Variants in DLG2 observed in about 807,000 individuals in gnomAD.
DLG2 encodes the protein disks large homolog 2.
A neutral mutation model predicts 132.5 loss-of-function variants in DLG2; 45 were observed. The observed-to-expected ratio is 0.34, with a 90% CI of 0.27 to 0.44. The LOEUF (loss-of-function observed/expected upper bound fraction) is 0.44, where lower values mean the gene tolerates loss of function less well. DLG2 is among the 20% of genes least tolerant of loss of function. The probability of loss-of-function intolerance (pLI) is 1.00; values close to 1 mark genes in which losing one functional copy is unlikely to be tolerated. For synonymous variants in DLG2, 424 were observed against 419.6 expected (o/e 1.01, Z -0.13); for missense variants, 1,045 against 1,196.9 (o/e 0.87, Z 1.87).
chr11:83,769,510 A>T (rs1004760212), intron 18 of DLG2, among the ~76,000 whole-genome samples: 1 of 146,996 alleles, frequency 6.8e-6, no homozygotes, highest in Non-Finnish European at 1.5e-5. Context: ...TCTCCTGGGG[A>T]TGGAGTGTAT....
At chr11:83,864,273 C>A (rs2061923123) in intron 16 of DLG2, among the ~76,000 whole-genome samples, 1 of 152,190 alleles carries the variant, frequency 6.6e-6, no homozygotes, top group South Asian at 2.1e-4. Context: ...AAGATATAAT[C>A]ACACTGAATT....
intron 3 of DLG2, among the ~76,000 whole-genome samples, chr11:85,499,325 C>CA (rs1223501977): frequency 6.6e-6 from 1 of 152,106 alleles, no homozygotes; most frequent in African/African-American, 2.4e-5. Context: ...CACTTCTATG[C>CA]AAATAAACTA....
intron 14 of DLG2, among the ~76,000 whole-genome samples, chr11:83,948,881 T>C (rs1406097711): frequency 1.3e-5 from 2 of 152,198 alleles, no homozygotes; most frequent in African/African-American, 2.4e-5. Flanking sequence ...AACACATTGT[T>C]ATGCTAGACA....
intron 8 of DLG2, among the ~76,000 whole-genome samples, chr11:84,166,361 G>T (rs965830443): frequency 1.3e-5 from 2 of 151,872 alleles, no homozygotes; most frequent in African/African-American, 4.8e-5. Context: ...AATTATCTGG[G>T]CAGGGTGGCG....
At chr11:83,598,318 C>T (rs185774118) in intron 19 of DLG2, among the ~76,000 whole-genome samples, 7 of 152,322 alleles carry the variant, frequency 4.6e-5, no homozygotes, top group Admixed American at 4.6e-4. Flanking sequence ...TTCAGAAACT[C>T]CTGAGCACCA....
At chr11:85,028,548 G>T (rs948621503) in intron 6 of DLG2, among the ~76,000 whole-genome samples, 1 of 152,106 alleles carries the variant, frequency 6.6e-6, no homozygotes, top group East Asian at 1.9e-4. Flanking sequence ...CCATGCTCAC[G>T]GGCACCCAAA....
chr11:84,383,471 CA>C (rs1021872824), intron 7 of DLG2, among the ~76,000 whole-genome samples: 9 of 151,634 alleles, frequency 5.9e-5, no homozygotes, highest in African/African-American at 2.2e-4. Flanking sequence ...CATTAAATGG[CA>C]AAAAAGATGG....
At chr11:84,857,026 CAAAGT>C (rs1473886058) in intron 6 of DLG2, among the ~76,000 whole-genome samples, 2 of 150,950 alleles carry the variant, frequency 1.3e-5, no homozygotes, top group African/African-American at 4.9e-5. Context: ...GCAAGAAGGT[CAAAGT>C]AAGAAGAAGT....
At chr11:84,428,646 C>T (rs920840267) in intron 7 of DLG2, among the ~76,000 whole-genome samples, 5 of 152,166 alleles carry the variant, frequency 3.3e-5, no homozygotes, top group African/African-American at 9.7e-5. Context: ...GATTCAGACC[C>T]CACCATTATG....
At chr11:84,600,191 A>G (rs187737418) in intron 6 of DLG2, among the ~76,000 whole-genome samples, 2,445 of 124,222 alleles carry the variant, frequency 0.02, 31 homozygotes, top group Non-Finnish European at 0.028. Flanking sequence ...AAAGAAAGAA[A>G]GAAAGAAAGA....
intron 7 of DLG2, among the ~76,000 whole-genome samples, chr11:84,254,502 T>C (rs1021728411): frequency 1.2e-4 from 18 of 152,166 alleles, no homozygotes; most frequent in African/African-American, 4.1e-4. Flanking sequence ...AAGGTAGTGA[T>C]AAAGTATAGA....
intron 16 of DLG2, among the ~76,000 whole-genome samples, chr11:83,872,003 C>T (rs2063539522): frequency 6.6e-6 from 1 of 152,092 alleles, no homozygotes; most frequent in Non-Finnish European, 1.5e-5. Context: ...TAGTGGCTCA[C>T]ACCTGTAATC....
intron 18 of DLG2, among the ~76,000 whole-genome samples, chr11:83,654,717 G>A (rs1238249788): frequency 1.3e-5 from 2 of 152,210 alleles, no homozygotes; most frequent in South Asian, 2.1e-4. Flanking sequence ...TTGTATGAGC[G>A]ACTTAAATAC....
intron 6 of DLG2, among the ~76,000 whole-genome samples, chr11:84,999,997 A>G (rs990668144): frequency 2.5e-4 from 19 of 76,630 alleles, no homozygotes; most frequent in Middle Eastern, 5.7e-3. Flanking sequence ...GATCTTAAAT[A>G]TATTTCAGAT....
chr11:84,048,616 C>T (rs1255919682), intron 11 of DLG2, among the ~76,000 whole-genome samples: 1 of 151,620 alleles, frequency 6.6e-6, no homozygotes, highest in Non-Finnish European at 1.5e-5. Context: ...TAGTAATTTA[C>T]TCCATGGCAA....
intron 6 of DLG2, among the ~76,000 whole-genome samples, chr11:84,858,657 T>C (rs2083123057): frequency 6.6e-6 from 1 of 152,120 alleles, no homozygotes; most frequent in African/African-American, 2.4e-5. Flanking sequence ...GACATGTTTT[T>C]GTGAATTAGA....
At chr11:84,060,688 C>T (rs1296330865) in intron 10 of DLG2, among the ~76,000 whole-genome samples, 1 of 151,962 alleles carries the variant, frequency 6.6e-6, no homozygotes, top group South Asian at 2.1e-4. Flanking sequence ...TGGTTAAGAG[C>T]ACGGGGCTTG....
At chr11:85,362,513 G>A (rs2084238321) in intron 3 of DLG2, among the ~76,000 whole-genome samples, 1 of 151,766 alleles carries the variant, frequency 6.6e-6, no homozygotes, top group South Asian at 2.1e-4. Context: ...AGTTTTTTTG[G>A]TGGAGTCTTT....
chr11:85,174,248 G>A (rs1409197073), intron 4 of DLG2, among the ~76,000 whole-genome samples: 1 of 152,094 alleles, frequency 6.6e-6, no homozygotes, highest in African/African-American at 2.4e-5. Flanking sequence ...AAATGCCTAA[G>A]AGGCGAAATA....
Sources: gnomAD v4.1 joint callset for allele counts (sites outside exome capture counted in the v4.1 genomes callset) on GRCh38, gnomAD v4.1.1 for gene constraint, MANE v1.5 for transcripts, NCBI Gene and HGNC (gene_info 2026-07-23, HGNC 2026-07-21) for gene names.